The following ASCC3 variants were observed in gnomAD, a reference collection of about 807,000 sequenced individuals.
The protein encoded by ASCC3 is ASC-1 complex subunit P200.
A neutral mutation model predicts 256.3 loss-of-function variants in ASCC3; 158 were observed. The observed-to-expected ratio is 0.62, with a 90% confidence interval of 0.54 to 0.70. The LOEUF (loss-of-function observed/expected upper bound fraction) is 0.70, where lower values mean the gene tolerates loss of function less well. Among genes scored for constraint, ASCC3 ranks in the 30% least tolerant of loss-of-function variants. ASCC3 has a pLI of 0.00. For missense variants in ASCC3, 2,259 were observed against 2,626.0 expected, an observed-to-expected ratio of 0.86 and a Z score of 3.05; for synonymous variants, 948 against 883.4, an observed-to-expected ratio of 1.07 and a Z score of -1.30.
intron 17 of ASCC3, among the ~76,000 whole-genome samples, chr6:100,653,701 A>G (rs1775781970): frequency 6.6e-6 from 1 of 151,852 alleles, no homozygotes; most frequent in Non-Finnish European, 1.5e-5. Flanking sequence ...TGCAGATGGG[A>G]GAACCCATTC....
At chr6:100,630,843 T>C (rs78413593) in intron 26 of ASCC3, among the ~76,000 whole-genome samples, 2,265 of 152,106 alleles carry the variant, frequency 0.015, 42 homozygotes, top group African/African-American at 0.052. Flanking sequence ...TGTTTTAGAG[T>C]GAAAATATTT....
At chr6:100,588,616 T>A (rs1562143794) in intron 36 of ASCC3, among the ~76,000 whole-genome samples, 1 of 152,178 alleles carries the variant, frequency 6.6e-6, no homozygotes, top group Non-Finnish European at 1.5e-5. Context: ...GAAAACTGAT[T>A]ATTACAGGAT....
At chr6:100,782,150 C>A (rs558177366) in intron 8 of ASCC3, among the ~76,000 whole-genome samples, 1 of 152,202 alleles carries the variant, frequency 6.6e-6, no homozygotes, top group Admixed American at 6.5e-5. Flanking sequence ...CTCTACTATA[C>A]ATAACAGAGT....
In ASCC3 at chr6:100,741,246, G is replaced by A. The variant is rs369887720; in HGVS notation, c.1738-15543C>T. Among the ~76,000 whole-genome samples the A allele has an allele frequency of 2.4e-3, 369 of 152,268 alleles. 2 individuals carry two copies. Among genetic ancestry groups the A allele is most frequent in the African/African-American group, 8.4e-3 (350 of 41,560 alleles). On this transcript the variant is annotated intron_variant, in intron 10 of 41. Transcript: ENST00000369162. Reference sequence around the variant, plus strand: ...TAGCTTGTAGGTTTTCTACTAAGAGGTCTGCTGTTAGTCTGATGGGCTTCC... The same window carrying A: ...TAGCTTGTAGGTTTTCTACTAAGAGATCTGCTGTTAGTCTGATGGGCTTCC...
intron 8 of ASCC3, among the ~76,000 whole-genome samples, chr6:100,797,805 A>G (rs543224638): frequency 1.3e-5 from 2 of 152,262 alleles, no homozygotes; most frequent in East Asian, 3.9e-4. Context: ...ACTTATTGTA[A>G]AAGACAACTT....
chr6:100,728,951 A>G (rs1447031330), intron 10 of ASCC3, among the ~76,000 whole-genome samples: 1 of 152,166 alleles, frequency 6.6e-6, no homozygotes, highest in African/African-American at 2.4e-5. Flanking sequence ...CACATCGGAT[A>G]AAGTCAACAA....
At chr6:100,540,841 T>G (rs1775421839) in intron 36 of ASCC3, among the ~76,000 whole-genome samples, 1 of 152,028 alleles carries the variant, frequency 6.6e-6, no homozygotes, top group Admixed American at 6.6e-5. Context: ...TAAGATCTTG[T>G]GAATGAATGG....
intron 36 of ASCC3, among the ~76,000 whole-genome samples, chr6:100,560,486 T>C (rs944608287): frequency 3.9e-5 from 6 of 152,070 alleles, no homozygotes; most frequent in African/African-American, 1.4e-4. Flanking sequence ...CACCTGAGCT[T>C]GTTTTACAAG....
rs752831358 is a variant in ASCC3 at position 100,590,036 on chromosome 6, C to T, written c.5327G>A (p.Ser1776Asn). The part of the protein sequence containing the change: ...NPSYYNLGDV[S>N]HDSVNKFLSH... Reference sequence around the variant, plus strand: ...CAGAAACTTGTTCACAGAATCATGGCTCACATCACCCAAATTGTAATAGCT... The same window carrying T: ...CAGAAACTTGTTCACAGAATCATGGTTCACATCACCCAAATTGTAATAGCT... The change falls in exon 35 of 42, where the codon AGC becomes AAC. Residue 1776 changes from serine to asparagine, a missense_variant. Coordinates refer to ENST00000369162, the MANE Select transcript of ASCC3 (RefSeq NM_006828.4). 3.1e-6 allele frequency: 5 copies of T among 1,613,256 alleles called. No individual in the cohort carries two copies. The highest frequency in any genetic ancestry group is 3.4e-6 in the Non-Finnish European group (4 of 1,179,346).
chr6:100,561,793 T>C (rs1279265160), intron 36 of ASCC3, among the ~76,000 whole-genome samples: 1 of 152,100 alleles, frequency 6.6e-6, no homozygotes, highest in Non-Finnish European at 1.5e-5. Context: ...AAATTTATTA[T>C]ACTGTTTAAT....
chr6:100,856,434 A>G, intron 3 of ASCC3: 15 of 974,980 alleles, frequency 1.5e-5, no homozygotes, highest in Non-Finnish European at 1.8e-5. Context: ...TTACTTATCA[A>G]TCTGAAATAC....
At chr6:100,567,001 T>A (rs1450952794) in intron 36 of ASCC3, among the ~76,000 whole-genome samples, 1 of 152,190 alleles carries the variant, frequency 6.6e-6, no homozygotes, top group African/African-American at 2.4e-5. Flanking sequence ...TAACTCTGTA[T>A]CTCAACAGTC....
chr6:100,646,275 G>C (rs1179918927), intron 22 of ASCC3, among the ~76,000 whole-genome samples: 1 of 151,872 alleles, frequency 6.6e-6, no homozygotes, highest in Non-Finnish European at 1.5e-5. Context: ...GTTTTCTTGA[G>C]GATGAGAATA....
intron 13 of ASCC3, among the ~76,000 whole-genome samples, chr6:100,711,737 A>C (rs957290465): frequency 3.9e-5 from 6 of 152,216 alleles, no homozygotes; most frequent in African/African-American, 9.6e-5. Context: ...TCTCAAAAAA[A>C]CAAAAAACAA....
intron 3 of ASCC3, among the ~76,000 whole-genome samples, chr6:100,849,421 C>T (rs547377298): frequency 6.6e-6 from 1 of 152,178 alleles, no homozygotes; most frequent in South Asian, 2.1e-4. Context: ...AAGGAAACCT[C>T]AAATATCTAT....
intron 34 of ASCC3, among the ~76,000 whole-genome samples, chr6:100,600,205 G>GCA (rs56886686): frequency 0.07 from 10,227 of 145,766 alleles, 496 homozygotes; most frequent in East Asian, 0.29. Context: ...ACATGCACAT[G>GCA]CACACACACA....
In ASCC3 at chr6:100,661,926, A is replaced by C; in HGVS notation, c.2583T>G (p.Phe861Leu). The change falls in exon 16 of 42, where the codon TTT becomes TTG. Residue 861 changes from phenylalanine to leucine, a missense_variant. By Grantham distance (22) the Phe-to-Leu change is conservative (BLOSUM62 0). Transcript: ENST00000369162. ...GRAGRPQFDK[F>L]GEGIIITTHD... ...GCGTTGTTATAATTATTCCTTCCCC[A>C]AATTTGTCAAATTGTGGTCGTCCAG... 1 of 1,613,430 alleles carries C rather than the reference A, an allele frequency of 6.2e-7. No individual in the cohort carries two copies. Among genetic ancestry groups the C allele is most frequent in the Admixed American group, 1.7e-5 (1 of 59,916 alleles).
intron 30 of ASCC3, among the ~76,000 whole-genome samples, chr6:100,613,249 T>C: frequency 6.6e-6 from 1 of 152,032 alleles, no homozygotes; most frequent in East Asian, 1.9e-4. Flanking sequence ...TCTACCTCCC[T>C]CCTACTCTGT....
chr6:100,602,091 T>C (rs1196322314), intron 33 of ASCC3, among the ~76,000 whole-genome samples, 156 bp from the exon 34 acceptor site: 1 of 152,070 alleles, frequency 6.6e-6, no homozygotes, highest in Admixed American at 6.6e-5. Context: ...TTGTATACTG[T>C]GTAAATAATT....
Sources: gnomAD v4.1 joint callset for allele counts (sites outside exome capture counted in the v4.1 genomes callset) on GRCh38, gnomAD v4.1.1 for gene constraint, MANE v1.5 for transcripts, NCBI Gene and HGNC (gene_info 2026-07-23, HGNC 2026-07-21) for gene names.